The following YES1 variants were observed in gnomAD, a reference collection of about 807,000 sequenced individuals.
YES1 encodes the protein YES proto-oncogene 1, Src family tyrosine kinase.
A neutral mutation model predicts 70.4 loss-of-function variants in YES1; 39 were observed. That is an observed-to-expected ratio of 0.55 (90% CI 0.43 to 0.72). YES1 has a LOEUF of 0.72. YES1 is among the 30% of genes least tolerant of loss of function. The probability of loss-of-function intolerance (pLI) is 0.00; values close to 1 mark genes in which losing one functional copy is unlikely to be tolerated. For missense variants in YES1, 495 were observed against 644.8 expected, an observed-to-expected ratio of 0.77 and a Z score of 2.52; for synonymous variants, 198 against 218.6, an observed-to-expected ratio of 0.91 and a Z score of 0.83.
At chr18:798,291 G>C (rs1020891873) in intron 1 of YES1, among the ~76,000 whole-genome samples, 22 of 152,070 alleles carry the variant, frequency 1.4e-4, no homozygotes, top group Admixed American at 4.6e-4. Context: ...TCTTACTCTA[G>C]CTATAAATTT....
Position 745,944 on chromosome 18 carries a change from A to C in YES1, c.574+4T>G. 1 of 1,608,754 alleles carries C rather than the reference A, an allele frequency of 6.2e-7. No homozygotes were observed. Among genetic ancestry groups the C allele is most frequent in the South Asian group, 1.1e-5 (1 of 90,398 alleles). On this transcript the variant is annotated splice_donor_region_variant and intron_variant, in intron 5 of 11. Transcript: ENST00000314574. The stretch of plus-strand genomic sequence containing the variant: ...TACTTATACTAATATAACAATATTC[A>C]TACCTTTAGTTGTTTCACTCTCTCT...
intron 1 of YES1, among the ~76,000 whole-genome samples, chr18:801,015 G>A (rs769250878): frequency 2.0e-5 from 3 of 152,058 alleles, no homozygotes; most frequent in East Asian, 1.9e-4. Flanking sequence ...GTGTGGTGGC[G>A]TGTGCCTGTA....
rs1192473182 is a variant in YES1, at chr18:736,850, A to G, written c.1249T>C (p.Leu417=). ...NLVCKIADFG[L]ARLIEDNEYT... ...TCATTGTCTTCAATTAACCTTGCTA[A>G]ACCAAAGTCTGCTATTTTGCACACA... The change falls in exon 10 of 12, where the codon TTA becomes CTA. Residue 417 remains leucine, a synonymous_variant. Coordinates refer to ENST00000314574, the MANE Select transcript of YES1 (RefSeq NM_005433.4). The G allele has an allele frequency of 6.2e-7, 1 of 1,612,416 alleles. No homozygotes were observed. Among genetic ancestry groups the G allele is most frequent in the Non-Finnish European group, 8.5e-7 (1 of 1,179,984 alleles).
intron 5 of YES1, 27 bp from the exon 6 acceptor site, chr18:745,884 A>G (rs3214047): frequency 6.5e-5 from 105 of 1,607,634 alleles, no homozygotes; most frequent in African/African-American, 1.5e-4. Context: ...TACTTTCACT[A>G]TATCTTTCTC....
intron 1 of YES1, among the ~76,000 whole-genome samples, chr18:770,654 G>A (rs1163489400): frequency 2.0e-5 from 3 of 152,060 alleles, no homozygotes; most frequent in South Asian, 4.1e-4. Context: ...TGTGCCCCAG[G>A]CAAAAAGCCA....
chr18:810,759 A>T (rs1907331940), intron 1 of YES1, among the ~76,000 whole-genome samples: 2 of 152,198 alleles, frequency 1.3e-5, no homozygotes, highest in South Asian at 4.1e-4. Context: ...CAATTGTGGC[A>T]GGGGTCTCAC....
Position 751,663 on chromosome 18 carries a change from T to C in YES1, c.371+42A>G, listed in dbSNP as rs142646907. 4.7e-5 allele frequency: 63 copies of C among 1,331,500 alleles called. No homozygotes were observed. The East Asian group carries it at 1.2e-3, about 26-fold the overall frequency. The allele number at this position is 1,331,500 out of a possible 1,614,324, so 82.5% of individuals were successfully genotyped here. A position where few individuals can be genotyped will look rare whatever the true frequency, so the allele number is the denominator to read the frequency against. On this transcript the variant is annotated intron_variant, in intron 3 of 11. Transcript: ENST00000314574. ...CAGTGGTTCCTGTGTAAAGACCAGA[T>C]TTCTGTCAGTATTTCTCTCACAAAA... is the stretch of plus-strand genomic sequence containing the variant.
intron 10 of YES1, among the ~76,000 whole-genome samples, chr18:733,370 T>A (rs1216142714): frequency 1.3e-5 from 2 of 152,222 alleles, no homozygotes; most frequent in Non-Finnish European, 2.9e-5. Flanking sequence ...TTCCTACTTT[T>A]TATATCATTC....
At chr18:727,050 T>G (rs1293135998) in intron 11 of YES1, among the ~76,000 whole-genome samples, 1 of 152,136 alleles carries the variant, frequency 6.6e-6, no homozygotes, top group Admixed American at 6.5e-5. Context: ...ATAAAGTATC[T>G]CTTTTTCTTC....
intron 1 of YES1, among the ~76,000 whole-genome samples, chr18:788,629 A>G (rs1906084840): frequency 6.6e-6 from 1 of 152,226 alleles, no homozygotes; most frequent in African/African-American, 2.4e-5. Flanking sequence ...CTCTTAAAAC[A>G]GTATTAGGGA....
At chr18:775,716 G>A (rs1032405953) in intron 1 of YES1, among the ~76,000 whole-genome samples, 1 of 152,094 alleles carries the variant, frequency 6.6e-6, no homozygotes, top group Non-Finnish European at 1.5e-5. Context: ...AGGATCGCTT[G>A]AGCCTGGGAG....
chr18:737,028 T>C (rs370920392), intron 9 of YES1, 67 bp from the exon 10 acceptor site: 1 of 1,309,764 alleles, frequency 7.6e-7, no homozygotes, highest in Middle Eastern at 1.9e-4. Flanking sequence ...AAGACAATTA[T>C]GGTTAATATC....
chr18:761,516 T>C (rs1321856694), intron 1 of YES1, among the ~76,000 whole-genome samples: 1 of 152,096 alleles, frequency 6.6e-6, no homozygotes, highest in African/African-American at 2.4e-5. Flanking sequence ...TCAGTTTCCA[T>C]TCCCAGCTTA....
In YES1 at chr18:756,115, C is replaced by G. The variant is rs555153172; in HGVS notation, c.271+442G>C. ...TTTTTCTTTTTTAAATCAGCAGCAT[C>G]TGGGAGAAATTCTGTATTATCGCTA... On this transcript the variant is annotated intron_variant, in intron 2 of 11. Coordinates refer to ENST00000314574, the MANE Select transcript of YES1 (RefSeq NM_005433.4). Among the ~76,000 whole-genome samples the G allele has an allele frequency of 1.2e-4, 19 of 152,254 alleles. 1 individual carries two copies. The highest frequency in any genetic ancestry group is 3.6e-4 in the African/African-American group (15 of 41,534).
intron 10 of YES1, among the ~76,000 whole-genome samples, chr18:733,366 CT>C (rs1352449281): frequency 6.6e-6 from 1 of 152,168 alleles, no homozygotes; most frequent in Non-Finnish European, 1.5e-5. Context: ...GGTTTTCCTA[CT>C]TTTTATATCA....
intron 1 of YES1, among the ~76,000 whole-genome samples, chr18:763,332 G>T (rs1276429921): frequency 6.6e-6 from 1 of 152,126 alleles, no homozygotes; most frequent in Admixed American, 6.6e-5. Context: ...GAATTATACA[G>T]CCTAGAAAGA....
intron 1 of YES1, 84 bp downstream of exon 1, chr18:812,030 C>T: frequency 5.9e-6 from 1 of 169,360 alleles, no homozygotes; most frequent in Non-Finnish European, 1.2e-5. Context: ...GCGGCGGCGG[C>T]GGCGGCGGCT....
At position 723,863 on chromosome 18, in the gene YES1, T is replaced by A. The variant is rs2079987385; in HGVS notation, c.*561A>T. On this transcript the variant is annotated 3_prime_UTR_variant, in exon 12 of 12. Transcript: ENST00000314574. ...ATCAAGTTTGAGATCCTGTTTATAT[T>A]CCTTTTGAAAAACCTGGCCCATGTC... 1 of 153,788 alleles carries A rather than the reference T, an allele frequency of 6.5e-6. No individual in the cohort carries two copies. Among genetic ancestry groups the A allele is most frequent in the Non-Finnish European group, 1.5e-5 (1 of 68,844 alleles). The allele number at this position is 153,788 out of a possible 1,614,324, so 9.5% of individuals were successfully genotyped here.
At position 745,259 on chromosome 18, in the gene YES1, G is replaced by A. The variant is rs542731487; in HGVS notation, c.724+449C>T. 2.0e-5 allele frequency among the ~76,000 whole-genome samples: 3 copies of A among 152,194 alleles called. No homozygotes were observed. The East Asian group carries it at 5.8e-4, about 29-fold the overall frequency. On this transcript the variant is annotated intron_variant, in intron 6 of 11. Transcript: ENST00000314574. ...ATAATTGCTATAGGTTAATTTTCTA[G>A]GATAAGAAAAATGCATCGTCAGACC...
Sources: gnomAD v4.1 joint callset for allele counts (sites outside exome capture counted in the v4.1 genomes callset) on GRCh38, gnomAD v4.1.1 for gene constraint, MANE v1.5 for transcripts, NCBI Gene and HGNC (gene_info 2026-07-23, HGNC 2026-07-21) for gene names.